The following VWA8 variants were observed in gnomAD, a reference collection of about 807,000 sequenced individuals.
The protein encoded by VWA8 is von Willebrand factor A domain-containing protein 8.
A neutral mutation model predicts 241.5 loss-of-function variants in VWA8; 221 were observed. The ratio of observed to expected loss-of-function variants is 0.91; its 90% CI spans 0.82 to 1.02. VWA8 has a LOEUF of 1.02. Among genes scored for constraint, VWA8 ranks in the 50% least tolerant of loss-of-function variants. The pLI is 0.00. For synonymous variants in VWA8, 852 were observed against 827.1 expected (o/e 1.03, Z -0.52); for missense variants, 2,322 against 2,328.7 (o/e 1.00, Z 0.06).
At chr13:41,954,461 C>G (rs1433440535) in intron 1 of VWA8, among the ~76,000 whole-genome samples, 26 of 152,154 alleles carry the variant, frequency 1.7e-4, no homozygotes, top group Non-Finnish European at 3.4e-4. Flanking sequence ...AGACCTTCCA[C>G]ATCTCTCTCA....
intron 28 of VWA8, among the ~76,000 whole-genome samples, chr13:41,700,843 C>T (rs2045244662): frequency 6.6e-6 from 1 of 152,188 alleles, no homozygotes; most frequent in Non-Finnish European, 1.5e-5. Flanking sequence ...TTCCCCCAGC[C>T]ACCACTTCTG....
rs756587272 is a variant in VWA8 at position 41,587,516 on chromosome 13, A to C, written c.5267T>G (p.Phe1756Cys). ...ATTCTTAGTTCATGTCATTACCTGG[A>C]ACTTCTCCTCATAGTTCTCGAAGGC... is the stretch of plus-strand genomic sequence containing the variant. Reference protein sequence around the residue: ...MEAFENYEEKFQYDIVGHSGD... With the variant: ...MEAFENYEEKCQYDIVGHSGD... The change falls in exon 42 of 45, where the codon TTC becomes TGC. Residue 1756 changes from phenylalanine to cysteine, a missense_variant. Coordinates refer to ENST00000379310, the MANE Select transcript of VWA8 (RefSeq NM_015058.2). 6.2e-7 allele frequency: 1 copy of C among 1,614,120 alleles called. No homozygotes were observed. The highest frequency in any genetic ancestry group is 8.5e-7 in the Non-Finnish European group (1 of 1,180,032).
intron 43 of VWA8, among the ~76,000 whole-genome samples, chr13:41,574,174 TAAAA>T (rs59813167): frequency 2.2e-5 from 3 of 137,240 alleles, no homozygotes; most frequent in Non-Finnish European, 3.2e-5. Flanking sequence ...AAGTTTTCTG[TAAAA>T]AAAAAAAAAA....
chr13:41,906,002 T>A (rs140360924), intron 4 of VWA8, among the ~76,000 whole-genome samples: 1 of 152,102 alleles, frequency 6.6e-6, no homozygotes, highest in Non-Finnish European at 1.5e-5. Flanking sequence ...AATTTGTTTA[T>A]GTGCTCTGTC....
At chr13:41,810,080 T>A (rs1472154868) in intron 17 of VWA8, among the ~76,000 whole-genome samples, 1 of 151,978 alleles carries the variant, frequency 6.6e-6, no homozygotes, top group Non-Finnish European at 1.5e-5. Context: ...ATGGCTTTTA[T>A]CCAAAAGATA....
intron 2 of VWA8, chr13:41,926,345 C>G (rs1876833626): frequency 3.5e-6 from 2 of 579,532 alleles, no homozygotes. Context: ...CTAAGATCAT[C>G]ACATGTATAA....
chr13:41,642,346 T>A (rs1401368854), intron 37 of VWA8, among the ~76,000 whole-genome samples: 2 of 151,584 alleles, frequency 1.3e-5, no homozygotes, highest in Non-Finnish European at 2.9e-5. Flanking sequence ...GATCACGAGG[T>A]CAGGAGTTCG....
Position 41,606,570 on chromosome 13 carries a change from G to A in VWA8, c.4878-1294C>T, listed in dbSNP as rs371795436. On this transcript the variant is annotated intron_variant, in intron 39 of 44. Transcript: ENST00000379310. ...TTATGTATATGCATGCAATGTTGGAGATATGAATCCTAGGTGTATTGCTGA... is the reference window on the plus strand; with the variant it reads ...TTATGTATATGCATGCAATGTTGGAAATATGAATCCTAGGTGTATTGCTGA... Among the ~76,000 whole-genome samples the A allele has an allele frequency of 3.3e-4, 50 of 152,288 alleles. 1 individual carries two copies. The South Asian group carries it at 8.9e-3, about 27-fold the overall frequency.
chr13:41,625,386 A>G (rs1018816840), intron 37 of VWA8, among the ~76,000 whole-genome samples: 2 of 151,850 alleles, frequency 1.3e-5, no homozygotes, highest in African/African-American at 4.9e-5. Context: ...AATTTACAAG[A>G]AAAAAACAAA....
At chr13:41,784,697 C>CATACATATATAT (rs1555335046) in intron 18 of VWA8, among the ~76,000 whole-genome samples, 3 of 57,022 alleles carry the variant, frequency 5.3e-5, no homozygotes, top group African/African-American at 1.1e-4. Context: ...TATACATATA[C>CATACATATATAT]ATATATATAT....
At chr13:41,908,226 G>A (rs2138108825) in intron 3 of VWA8, among the ~76,000 whole-genome samples, 1 of 152,338 alleles carries the variant, frequency 6.6e-6, no homozygotes, top group African/African-American at 2.4e-5. Flanking sequence ...AGCACTTTGG[G>A]AGGCCGAAGT....
intron 13 of VWA8, among the ~76,000 whole-genome samples, chr13:41,831,712 T>A (rs774419967): frequency 1.4e-5 from 2 of 137,954 alleles, no homozygotes; most frequent in African/African-American, 5.6e-5. Flanking sequence ...CTCCGCCTCC[T>A]GGGTTCAAGC....
chr13:41,750,670 C>G (rs2045649188), intron 21 of VWA8, among the ~76,000 whole-genome samples: 1 of 151,998 alleles, frequency 6.6e-6, no homozygotes, highest in Admixed American at 6.6e-5. Context: ...AATTAGAAAC[C>G]AAGCCTGAAG....
Position 41,915,215 on chromosome 13 carries a change from G to A in VWA8, c.242-3047C>T, listed in dbSNP as rs564785912. Among the ~76,000 whole-genome samples, 3 of 152,330 alleles carry A rather than the reference G, an allele frequency of 2.0e-5. No homozygotes were observed. In the South Asian group the frequency reaches 6.2e-4, roughly 32 times the overall value. ...TTAAAGCTAGAGCCCTGGGAATTAT[G>A]TATAATCATGTTTATGCTCCTGGGA... On this transcript the variant is annotated intron_variant, in intron 2 of 44. Coordinates refer to ENST00000379310, the MANE Select transcript of VWA8 (RefSeq NM_015058.2).
rs375256402 is a variant in VWA8, at chr13:41,672,711, T to G, written c.4410-1564A>C. On this transcript the variant is annotated intron_variant, in intron 36 of 44. Transcript: ENST00000379310. ...TGTTCATATGAGAACAACAGTGGGA[T>G]GGGACCATATGTTCTGAGCTACTTT... Among the ~76,000 whole-genome samples the G allele has an allele frequency of 5.8e-4, 88 of 152,282 alleles. No homozygotes were observed. In the East Asian group the frequency reaches 7.9e-3, roughly 14 times the overall value.
chr13:41,894,197 T>C (rs1009430520), intron 4 of VWA8, among the ~76,000 whole-genome samples: 3 of 152,212 alleles, frequency 2.0e-5, no homozygotes, highest in Non-Finnish European at 4.4e-5. Context: ...CTTGACAACA[T>C]AGGACAACAA....
intron 40 of VWA8, among the ~76,000 whole-genome samples, chr13:41,596,254 A>G (rs1229562105): frequency 6.6e-6 from 1 of 152,114 alleles, no homozygotes; most frequent in African/African-American, 2.4e-5. Flanking sequence ...AAATATGGGT[A>G]GAAATCTGAT....
intron 20 of VWA8, among the ~76,000 whole-genome samples, chr13:41,773,586 C>T (rs1405667283): frequency 2.6e-5 from 4 of 152,132 alleles, no homozygotes; most frequent in African/African-American, 4.8e-5. Context: ...CTCTGTACTC[C>T]CTCGTACCCA....
intron 9 of VWA8, among the ~76,000 whole-genome samples, chr13:41,876,688 G>A (rs1873915297): frequency 6.6e-6 from 1 of 152,076 alleles, no homozygotes; most frequent in South Asian, 2.1e-4. Context: ...CTAATTGATT[G>A]GATGGAAGGA....
Sources: allele counts gnomAD v4.1 joint callset (sites outside exome capture counted in the v4.1 genomes callset), GRCh38; gene constraint gnomAD v4.1.1; transcripts MANE v1.5; gene names NCBI Gene and HGNC (gene_info 2026-07-23, HGNC 2026-07-21).